Variants in MUC5B observed in about 807,000 individuals in gnomAD.
MUC5B encodes the protein mucin-5B.
Under a neutral mutation model 376.9 loss-of-function variants are expected in MUC5B, and 116 were observed. That is an observed-to-expected ratio of 0.31 (90% CI 0.26 to 0.36). MUC5B has a LOEUF of 0.36. MUC5B is among the 10% of genes least tolerant of loss of function. MUC5B has a pLI of 1.00. For missense variants in MUC5B, 7,165 were observed against 7,769.9 expected (o/e 0.92, Z 2.93); for synonymous variants, 3,517 against 3,390.9 (o/e 1.04, Z -1.29).
rs565487559 is a variant in MUC5B, at chr11:1,245,046, C to T, written c.8166C>T (p.Thr2722=). 128 of 1,539,410 alleles carry T rather than the reference C, an allele frequency of 8.3e-5. No homozygotes were observed. Among genetic ancestry groups the T allele is most frequent in the African/African-American group, 5.3e-4 (38 of 71,428 alleles). Residue 2722 remains threonine, a synonymous_variant, in exon 31 of 49, where the codon ACC becomes ACT. Coordinates refer to ENST00000529681, the MANE Select transcript of MUC5B (RefSeq NM_002458.3). The stretch of plus-strand genomic sequence containing the variant: ...CTATCCCCCCAGTGCTGACCACCAC[C>T]GCCACCACACCTGCAGCCACCAGCA... ...TTPIPPVLTT[T]ATTPAATSST...
Position 1,241,028 on chromosome 11 carries a change from C to A in MUC5B, c.4148C>A (p.Ala1383Glu), listed in dbSNP as rs1330960818. 1.2e-6 allele frequency: 2 copies of A among 1,612,406 alleles called. No individual in the cohort carries two copies. Among genetic ancestry groups the A allele is most frequent in the Non-Finnish European group, 1.7e-6 (2 of 1,179,820 alleles). The change falls in exon 31 of 49, where the codon GCG (alanine) becomes GAG (glutamate). Residue 1383 changes from alanine to glutamate, a missense_variant. Coordinates refer to ENST00000529681, the MANE Select transcript of MUC5B (RefSeq NM_002458.3). ...PVLADIECRA[A>E]QLPDMPLEEL... Reference sequence around the variant, plus strand: ...CTGGCTGACATCGAGTGCCGGGCGGCGCAGCTTCCCGACATGCCGCTGGAG... The same window carrying A: ...CTGGCTGACATCGAGTGCCGGGCGGAGCAGCTTCCCGACATGCCGCTGGAG...
chr11:1,245,691 C>T lies in MUC5B; in HGVS notation c.8811C>T (p.Ser2937=), dbSNP rs1311665102. ...LRELGQVVEC[S]LDFGLVCRNR... is the part of the protein sequence containing the mutation. ...AGTTGGGCCAGGTCGTGGAATGCAG[C>T]CTGGACTTTGGCCTGGTCTGCAGGA... The change falls in exon 31 of 49, where the codon AGC becomes AGT. Residue 2937 remains serine, a synonymous_variant. Transcript: ENST00000529681. 1.2e-6 allele frequency: 2 copies of T among 1,607,548 alleles called. No homozygotes were observed. Among genetic ancestry groups the T allele is most frequent in the Admixed American group, 3.3e-5 (2 of 59,710 alleles).
At chr11:1,260,185 T>A in intron 46 of MUC5B, 100 bp downstream of exon 46, 1 of 1,398,284 alleles carries the variant, frequency 7.2e-7, no homozygotes, top group East Asian at 2.4e-5. Context: ...GCCCCACCCC[T>A]GCTGGGGAGG....
In MUC5B at chr11:1,253,979, G is replaced by A; in HGVS notation, c.15218-113G>A. On this transcript the variant is annotated intron_variant, in intron 33 of 48. Transcript: ENST00000529681. This position sits in a 1 kb window ranked among gnomAD's most constrained non-coding sequence, Gnocchi z 4.3. ...AGACGAGGCAGCTGAGGCCCCAGGG[G>A]CTTCAGTGGCTCCCCAAGGCGGCAG... 1 of 1,439,654 alleles carries A rather than the reference G, an allele frequency of 6.9e-7. No individual in the cohort carries two copies. The highest frequency in any genetic ancestry group is 1.3e-5 in the South Asian group (1 of 75,040). 89.2% of individuals were successfully genotyped at this position (1,439,654 alleles called of 1,614,324 possible).
In MUC5B at chr11:1,251,705, C is replaced by CCTGCTT; in HGVS notation, c.14830_14835dup (p.Phe4944_Cys4945dup). ...TTCCCCAGCTCCCACTTCTCTACTC[C>CCTGCTT]CTGCTTCTGCAGGGCATTTGGACAG... On this transcript the variant is annotated inframe_insertion, in exon 31 of 49. Coordinates refer to ENST00000529681, the MANE Select transcript of MUC5B (RefSeq NM_002458.3). The CCTGCTT allele has an allele frequency of 6.2e-7, 1 of 1,610,722 alleles. No homozygotes were observed.
intron 36 of MUC5B, 24 bp from the exon 37 acceptor site, chr11:1,255,359 C>G (rs374959976): frequency 6.4e-7 from 1 of 1,569,304 alleles, no homozygotes. Context: ...GGGGGCCCTC[C>G]GTCCTGATCG....
At chr11:1,236,649 G>A (rs1415944083) in intron 24 of MUC5B, 87 bp downstream of exon 24, 13 of 1,379,882 alleles carry the variant, frequency 9.4e-6, no homozygotes, top group East Asian at 2.4e-5. Context: ...TGTGGGACTC[G>A]CTGACCCGTG....
Position 1,258,403 on chromosome 11 carries a change from G to GC in MUC5B, c.16593+38dup. 6.2e-7 allele frequency: 1 copy of GC among 1,609,128 alleles called. No homozygotes were observed. The highest frequency in any genetic ancestry group is 8.5e-7 in the Non-Finnish European group (1 of 1,178,042). On this transcript the variant is annotated intron_variant, in intron 43 of 48. Transcript: ENST00000529681. This position sits in a 1 kb window ranked among gnomAD's most constrained non-coding sequence, Gnocchi z 5.5. ...AGCAGTGGGTGGGTGTGGCCCTGGGGCCTGAACATGTGTGTGGGATGCCCC... is the reference window on the plus strand; with the variant it reads ...AGCAGTGGGTGGGTGTGGCCCTGGGGCCCTGAACATGTGTGTGGGATGCCCC...
rs1862343528 is a variant in MUC5B, at chr11:1,243,282, C to T, written c.6402C>T (p.Thr2134=). The T allele has an allele frequency of 1.9e-6, 3 of 1,555,710 alleles. No individual in the cohort carries two copies. The highest frequency in any genetic ancestry group is 2.6e-6 in the Non-Finnish European group (3 of 1,149,584). ...TQTSGTPPSL[T]TTATTITATG... Reference sequence around the variant, plus strand: ...CCAGTGGTACTCCCCCATCACTGACCACCACGGCCACTACGATCACGGCCA... The same window carrying T: ...CCAGTGGTACTCCCCCATCACTGACTACCACGGCCACTACGATCACGGCCA... Residue 2134 remains threonine, a synonymous_variant, in exon 31 of 49, where the codon ACC becomes ACT. Transcript: ENST00000529681.
Position 1,253,208 on chromosome 11 carries a change from T to C in MUC5B, c.15217+228T>C, listed in dbSNP as rs1023866722. ...CCCTTCAGGAAACCATCATGCACCA[T>C]GCTGTCTTGGGCCTCAGTGGTGCAC... is the stretch of plus-strand genomic sequence containing the variant. On this transcript the variant is annotated intron_variant, in intron 33 of 48. Coordinates refer to ENST00000529681, the MANE Select transcript of MUC5B (RefSeq NM_002458.3). This position sits in a 1 kb window ranked among gnomAD's most constrained non-coding sequence, Gnocchi z 4.3. Among the ~76,000 whole-genome samples the C allele has an allele frequency of 1.3e-5, 2 of 152,090 alleles. No homozygotes were observed. Among genetic ancestry groups the C allele is most frequent in the African/African-American group, 4.8e-5 (2 of 41,398 alleles).
chr11:1,253,793 G>C lies in MUC5B; in HGVS notation c.15218-299G>C, dbSNP rs1862763154. On this transcript the variant is annotated intron_variant, in intron 33 of 48. Coordinates refer to ENST00000529681, the MANE Select transcript of MUC5B (RefSeq NM_002458.3). The surrounding 1 kb of genome is among the most constrained non-coding windows in gnomAD (Gnocchi z 4.3). ...TCTCCCGTAAGGACACTGGTCATTG[G>C]ATTGAGGGCCCACCCAGCTAGTCCA... 6.6e-6 allele frequency among the ~76,000 whole-genome samples: 1 copy of C among 152,166 alleles called. No homozygotes were observed. The highest frequency in any genetic ancestry group is 2.4e-5 in the African/African-American group (1 of 41,436).
chr11:1,257,519 A>G lies in MUC5B; in HGVS notation c.16270-11A>G, dbSNP rs1185136953. ...CCAGGAGCCCTCAGGGACCCCCTTG[A>G]TCCATTCCAGCCCGGGGAGCGGTGG... is the stretch of plus-strand genomic sequence containing the variant. On this transcript the variant is annotated splice_polypyrimidine_tract_variant and intron_variant, in intron 40 of 48. Coordinates refer to ENST00000529681, the MANE Select transcript of MUC5B (RefSeq NM_002458.3). This position sits in a 1 kb window ranked among gnomAD's most constrained non-coding sequence, Gnocchi z 8.9. 6.2e-7 allele frequency: 1 copy of G among 1,607,530 alleles called. No homozygotes were observed. Among genetic ancestry groups the G allele is most frequent in the East Asian group, 2.2e-5 (1 of 44,812 alleles).
In MUC5B at chr11:1,251,346, G is replaced by A; in HGVS notation, c.14466G>A (p.Leu4822=). ...TLGTTRILTE[L]TTTATTTAAT... is the part of the protein sequence containing the mutation. ...GGACGACCCGGATCCTCACTGAGCT[G>A]ACCACAACAGCCACTACAACTGCAG... Residue 4822 remains leucine, a synonymous_variant, in exon 31 of 49, where the codon CTG becomes CTA. Coordinates refer to ENST00000529681, the MANE Select transcript of MUC5B (RefSeq NM_002458.3). 1 of 1,611,322 alleles carries A rather than the reference G, an allele frequency of 6.2e-7. No homozygotes were observed.
chr11:1,229,022 C>T (rs868147738), intron 8 of MUC5B, 148 bp from the exon 9 acceptor site: 348 of 980,070 alleles, frequency 3.6e-4, no homozygotes, highest in Non-Finnish European at 4.7e-4. Flanking sequence ...GAGCTGCCCA[C>T]GATGAGGGGC....
chr11:1,249,400 TGCCGTGCCCAGGCCCA>T lies in MUC5B; in HGVS notation c.12524_12539del (p.Arg4175LeufsTer74). 6.2e-7 allele frequency: 1 copy of T among 1,611,184 alleles called. No individual in the cohort carries two copies. The highest frequency in any genetic ancestry group is 8.5e-7 in the Non-Finnish European group (1 of 1,179,604). ...CTGTGAGCAGCCCCTGGGCCTCGAG[TGCCGTGCCCAGGCCCA>T]GCCTGGTGTCCCCCTGGGGGAGTTG... is the stretch of plus-strand genomic sequence containing the variant. On this transcript the variant is annotated frameshift_variant, in exon 31 of 49. Transcript: ENST00000529681. LOFTEE classifies it high-confidence loss of function.
rs565136017 is a variant in MUC5B at position 1,250,779 on chromosome 11, T to C, written c.13899T>C (p.Ser4633=). The C allele has an allele frequency of 6.2e-7, 1 of 1,605,220 alleles. No individual in the cohort carries two copies. The highest frequency in any genetic ancestry group is 1.1e-5 in the South Asian group (1 of 90,920). The change falls in exon 31 of 49, where the codon AGT becomes AGC. Residue 4633 remains serine (S), a synonymous_variant. Transcript: ENST00000529681. ...CCACAACCACCACACCCACAACCAG[T>C]GGCTCCACGGTGACCCCCTCCTCCA... is the stretch of plus-strand genomic sequence containing the variant. ...TTPTTTTPTT[S]GSTVTPSSIP... is the part of the protein sequence containing the mutation.
Position 1,246,672 on chromosome 11 carries a change from A to G in MUC5B, c.9792A>G (p.Thr3264=). 6.2e-7 allele frequency: 1 copy of G among 1,610,134 alleles called. No homozygotes were observed. The highest frequency in any genetic ancestry group is 8.5e-7 in the Non-Finnish European group (1 of 1,177,736). The change falls in exon 31 of 49, where the codon ACA becomes ACG. Residue 3264 remains threonine (T), a synonymous_variant. Coordinates refer to ENST00000529681, the MANE Select transcript of MUC5B (RefSeq NM_002458.3). The part of the protein sequence containing the change: ...QTTTPTATMS[T]ATPSSTPETV... ...CCACACCCACGGCCACCATGTCCAC[A>G]GCCACACCCTCCTCTACTCCAGAGA...
intron 15 of MUC5B, 53 bp from the exon 16 acceptor site, chr11:1,232,397 G>T: frequency 6.5e-7 from 1 of 1,536,300 alleles, no homozygotes; most frequent in Non-Finnish European, 8.8e-7. Context: ...CTGCGTGTCA[G>T]GGGTGTGGGC....
chr11:1,259,101 G>A, intron 44 of MUC5B, 40 bp downstream of exon 44: 6 of 1,500,260 alleles, frequency 4.0e-6, no homozygotes, highest in Non-Finnish European at 5.3e-6. Context: ...AGCCCCCGAG[G>A]CACCTGCCCC....
Sources: gnomAD v4.1 joint callset for allele counts (sites outside exome capture counted in the v4.1 genomes callset) on GRCh38, gnomAD v4.1.1 for gene constraint, Gnocchi (gnomAD v3.1) non-coding constraint, MANE v1.5 for transcripts, NCBI Gene and HGNC (gene_info 2026-07-23, HGNC 2026-07-21) for gene names.